The following ATRNL1 variants were observed in gnomAD, a reference collection of about 807,000 sequenced individuals.
ATRNL1 encodes the protein attractin-like protein 1.
Under a neutral mutation model 182.7 loss-of-function variants are expected in ATRNL1, and 95 were observed. The observed-to-expected ratio is 0.52, with a 90% CI of 0.44 to 0.62. The LOEUF (loss-of-function observed/expected upper bound fraction) is 0.62, where lower values mean the gene tolerates loss of function less well. Ranked by LOEUF, ATRNL1 falls within the 20% of genes least tolerant of loss-of-function variation. The probability of loss-of-function intolerance (pLI) is 0.00; values close to 1 mark genes in which losing one functional copy is unlikely to be tolerated. For missense variants in ATRNL1, 1,471 were observed against 1,679.5 expected (o/e 0.88, Z 2.17); for synonymous variants, 576 against 568.3 (o/e 1.01, Z -0.19).
intron 28 of ATRNL1, among the ~76,000 whole-genome samples, chr10:115,907,093 C>G (rs2134508673): frequency 6.7e-6 from 1 of 148,696 alleles, no homozygotes; most frequent in Non-Finnish European, 1.5e-5. Flanking sequence ...AATTTGAGGT[C>G]TAGAAAGTCC....
chr10:115,697,616 G>A (rs1330169858), intron 26 of ATRNL1, among the ~76,000 whole-genome samples: 1 of 152,088 alleles, frequency 6.6e-6, no homozygotes, highest in Non-Finnish European at 1.5e-5. Context: ...ATGAGCCACT[G>A]TACCTGGCCT....
At chr10:115,141,960 A>G (rs1459162697) in intron 5 of ATRNL1, among the ~76,000 whole-genome samples, 3 of 152,124 alleles carry the variant, frequency 2.0e-5, no homozygotes, top group African/African-American at 7.2e-5. Flanking sequence ...TATCTTTTTC[A>G]TTTATTAATG....
chr10:115,824,977 C>G (rs890657469), intron 27 of ATRNL1, among the ~76,000 whole-genome samples: 1 of 152,130 alleles, frequency 6.6e-6, no homozygotes, highest in South Asian at 2.1e-4. Flanking sequence ...ATAGCAAAGA[C>G]TTGGAACCAA....
chr10:115,214,607 A>G (rs1168043717), intron 8 of ATRNL1, among the ~76,000 whole-genome samples: 1 of 152,078 alleles, frequency 6.6e-6, no homozygotes, highest in Non-Finnish European at 1.5e-5. Context: ...GGTATTTTCA[A>G]TGAGCTGACT....
chr10:115,508,235 C>G (rs1244631160), intron 24 of ATRNL1, among the ~76,000 whole-genome samples: 2 of 151,976 alleles, frequency 1.3e-5, no homozygotes, highest in Non-Finnish European at 2.9e-5. Flanking sequence ...AACAAGTCAG[C>G]TTAATTAATG....
At chr10:115,125,865 A>G (rs1844949240) in intron 3 of ATRNL1, among the ~76,000 whole-genome samples, 2 of 152,144 alleles carry the variant, frequency 1.3e-5, no homozygotes, top group Admixed American at 1.3e-4. Flanking sequence ...AAATCAGCAA[A>G]TGCCAATAGG....
chr10:115,885,691 C>G (rs1213992026), intron 28 of ATRNL1, among the ~76,000 whole-genome samples: 2 of 152,148 alleles, frequency 1.3e-5, no homozygotes, highest in Non-Finnish European at 2.9e-5. Flanking sequence ...CTCACTGTAT[C>G]TACATATATA....
At chr10:115,817,448 T>G (rs1261031320) in intron 27 of ATRNL1, among the ~76,000 whole-genome samples, 1 of 152,106 alleles carries the variant, frequency 6.6e-6, no homozygotes, top group Non-Finnish European at 1.5e-5. Flanking sequence ...GTATAAAATA[T>G]GGCACTAGGG....
chr10:115,692,642 A>T (rs1356518410), intron 26 of ATRNL1, among the ~76,000 whole-genome samples: 2 of 151,636 alleles, frequency 1.3e-5, no homozygotes, highest in African/African-American at 2.4e-5. Flanking sequence ...AATAATTTTT[A>T]AAAAATTTGA....
chr10:115,728,880 A>G (rs1947699571), intron 27 of ATRNL1, among the ~76,000 whole-genome samples: 1 of 152,212 alleles, frequency 6.6e-6, no homozygotes, highest in South Asian at 2.1e-4. Context: ...CAAGTGCTCT[A>G]ATTTCATTTT....
At chr10:115,932,671 T>A (rs1555121904) in intron 28 of ATRNL1, among the ~76,000 whole-genome samples, 1 of 152,114 alleles carries the variant, frequency 6.6e-6, no homozygotes, top group Non-Finnish European at 1.5e-5. Flanking sequence ...ATATTTTGAC[T>A]TTGCAGAGAT....
At chr10:115,477,229 A>G (rs1420211981) in intron 24 of ATRNL1, among the ~76,000 whole-genome samples, 1 of 151,590 alleles carries the variant, frequency 6.6e-6, no homozygotes, top group Non-Finnish European at 1.5e-5. Context: ...TTGTTAATTA[A>G]GATTTTGTGT....
At chr10:115,377,084 T>C (rs571213276) in intron 19 of ATRNL1, among the ~76,000 whole-genome samples, 36 of 152,298 alleles carry the variant, frequency 2.4e-4, no homozygotes, top group African/African-American at 7.0e-4. Flanking sequence ...CATTTTCTTA[T>C]TAAGCTTCTC....
intron 19 of ATRNL1, among the ~76,000 whole-genome samples, chr10:115,391,791 GTT>G (rs538766275): frequency 6.8e-6 from 1 of 147,948 alleles, no homozygotes; most frequent in Admixed American, 6.8e-5. Context: ...CTCCTCTAGA[GTT>G]TTTTTTTTAA....
intron 26 of ATRNL1, among the ~76,000 whole-genome samples, chr10:115,559,402 C>T (rs549629776): frequency 1.8e-4 from 26 of 147,672 alleles, no homozygotes; most frequent in African/African-American, 6.1e-4. Flanking sequence ...GACATACTCT[C>T]ATTCTTGGTG....
chr10:115,849,724 G>A (rs1338971824), intron 28 of ATRNL1, among the ~76,000 whole-genome samples: 2 of 152,022 alleles, frequency 1.3e-5, no homozygotes, highest in Admixed American at 1.3e-4. Context: ...GGAGTGAGAC[G>A]TAGAAAGCAC....
intron 26 of ATRNL1, among the ~76,000 whole-genome samples, chr10:115,563,800 A>G (rs555298395): frequency 2.6e-5 from 4 of 152,268 alleles, no homozygotes; most frequent in Non-Finnish European, 4.4e-5. Context: ...TGTAAGGAAC[A>G]TGGAAATAGG....
intron 26 of ATRNL1, among the ~76,000 whole-genome samples, chr10:115,559,263 A>G (rs575973024): frequency 2.0e-5 from 3 of 152,358 alleles, no homozygotes; most frequent in Middle Eastern, 6.8e-3. Flanking sequence ...TAGCAAGCAC[A>G]GAGATTGCAT....
chr10:115,633,869 A>G (rs782495694), intron 26 of ATRNL1, among the ~76,000 whole-genome samples: 15 of 152,126 alleles, frequency 9.9e-5, no homozygotes, highest in Non-Finnish European at 2.2e-4. Context: ...ATTTCCATTG[A>G]TAGACATATT....
Sources: allele counts gnomAD v4.1 joint callset (sites outside exome capture counted in the v4.1 genomes callset), GRCh38; gene constraint gnomAD v4.1.1; transcripts MANE v1.5; gene names NCBI Gene and HGNC (gene_info 2026-07-23, HGNC 2026-07-21).